Variants in DPP10 observed in about 807,000 individuals in gnomAD.
The protein encoded by DPP10 is dipeptidyl peptidase like 10, also known as inactive dipeptidyl peptidase 10.
DPP10 carries 33 observed loss-of-function variants against 120.9 expected under a neutral mutation model. That is an observed-to-expected ratio of 0.27 (90% CI 0.21 to 0.37). The LOEUF (loss-of-function observed/expected upper bound fraction) is 0.37. Ranked by LOEUF, DPP10 falls within the 10% of genes least tolerant of loss-of-function variation. The pLI, the probability that DPP10 is intolerant of heterozygous loss-of-function variation, is 1.00. For synonymous variants in DPP10, 337 were observed against 326.1 expected, an observed-to-expected ratio of 1.03 and a Z score of -0.36; for missense variants, 816 against 942.8, an observed-to-expected ratio of 0.87 and a Z score of 1.76.
intron 1 of DPP10, among the ~76,000 whole-genome samples, chr2:114,878,488 A>G (rs974083151): frequency 3.3e-5 from 5 of 152,100 alleles, no homozygotes; most frequent in African/African-American, 1.2e-4. Flanking sequence ...ATTCCTAATA[A>G]TAGTCTCTCT....
At chr2:114,859,848 C>T (rs950978745) in intron 1 of DPP10, among the ~76,000 whole-genome samples, 1 of 152,130 alleles carries the variant, frequency 6.6e-6, no homozygotes, top group Non-Finnish European at 1.5e-5. Context: ...CATCAATTAC[C>T]ACGATTTCAG....
Position 115,330,051 on chromosome 2 carries a change from C to T in DPP10, c.176-13766C>T, listed in dbSNP as rs193283182. ...ATGGTTGAACTAGTTTGCAGTCCCACCAACAGTGTAAAAGTGTTCCTATTT... is the reference window on the plus strand; with the variant it reads ...ATGGTTGAACTAGTTTGCAGTCCCATCAACAGTGTAAAAGTGTTCCTATTT... On this transcript the variant is annotated intron_variant, in intron 2 of 25. Coordinates refer to ENST00000410059, the MANE Select transcript of DPP10 (RefSeq NM_020868.6). 3.9e-5 allele frequency among the ~76,000 whole-genome samples: 6 copies of T among 152,234 alleles called. No homozygotes were observed. In the East Asian group the frequency reaches 1.2e-3, roughly 30 times the overall value.
chr2:115,784,751 C>T lies in DPP10; in HGVS notation c.1531+2352C>T, dbSNP rs541450750. The stretch of plus-strand genomic sequence containing the variant: ...TTTCTCCAGTTGGTCAGGCTGGTCT[C>T]GAACTCACAACCTCAGGTGATCTGC... On this transcript the variant is annotated intron_variant, in intron 17 of 25. Transcript: ENST00000410059. 9.9e-5 allele frequency among the ~76,000 whole-genome samples: 15 copies of T among 152,188 alleles called. No individual in the cohort carries two copies. The South Asian group carries it at 1.2e-3, about 13-fold the overall frequency.
chr2:115,293,223 T>G (rs2060735231), intron 1 of DPP10, among the ~76,000 whole-genome samples: 1 of 152,084 alleles, frequency 6.6e-6, no homozygotes, highest in South Asian at 2.1e-4. Context: ...TGGCAGGTAT[T>G]TCAGAAAAGC....
intron 1 of DPP10, among the ~76,000 whole-genome samples, chr2:114,460,578 A>AT (rs1180279646): frequency 1.3e-5 from 2 of 152,156 alleles, no homozygotes; most frequent in Admixed American, 6.5e-5. Context: ...TATGACACAA[A>AT]TTTTTTCAAG....
chr2:115,833,061 G>T (rs1258238089), intron 21 of DPP10, among the ~76,000 whole-genome samples: 1 of 151,976 alleles, frequency 6.6e-6, no homozygotes, highest in East Asian at 1.9e-4. Context: ...AAGCATTGTT[G>T]TGGGATCTAC....
intron 1 of DPP10, among the ~76,000 whole-genome samples, chr2:114,452,979 T>C (rs1306171692): frequency 6.6e-6 from 1 of 152,122 alleles, no homozygotes; most frequent in Non-Finnish European, 1.5e-5. Flanking sequence ...CTCTTGTTGG[T>C]TAGAACTAAA....
intron 1 of DPP10, among the ~76,000 whole-genome samples, chr2:115,014,027 TC>T (rs1702456252): frequency 6.6e-6 from 1 of 152,150 alleles, no homozygotes; most frequent in Non-Finnish European, 1.5e-5. Context: ...CTACCCCAAA[TC>T]AACAGAATAT....
intron 1 of DPP10, chr2:115,050,063 A>G (rs1705358389): frequency 5.9e-5 from 9 of 152,182 alleles, no homozygotes; most frequent in Admixed American, 5.9e-4. Context: ...GCAGAGTAGG[A>G]AACTTGAAAA....
intron 3 of DPP10, among the ~76,000 whole-genome samples, chr2:115,356,796 C>T (rs1303680130): frequency 1.3e-5 from 2 of 152,010 alleles, no homozygotes; most frequent in African/African-American, 4.8e-5. Flanking sequence ...TGGTTGATTC[C>T]ATGTCTTTGC....
At chr2:115,195,053 G>T (rs181965168) in intron 1 of DPP10, among the ~76,000 whole-genome samples, 2 of 152,182 alleles carry the variant, frequency 1.3e-5, no homozygotes, top group African/African-American at 4.8e-5. Context: ...TGGACATTCA[G>T]TGTGCGCTCA....
At chr2:114,954,544 A>G (rs986082920) in intron 1 of DPP10, among the ~76,000 whole-genome samples, 4 of 152,128 alleles carry the variant, frequency 2.6e-5, no homozygotes, top group Admixed American at 1.3e-4. Flanking sequence ...TTACACCTCT[A>G]GGAACTGGAA....
At chr2:114,597,946 G>T (rs1281028042) in intron 1 of DPP10, among the ~76,000 whole-genome samples, 1 of 151,836 alleles carries the variant, frequency 6.6e-6, no homozygotes, top group Admixed American at 6.6e-5. Flanking sequence ...AATAATCTGG[G>T]AGTTTGTAGA....
chr2:114,758,041 T>C (rs1394200542), intron 1 of DPP10, among the ~76,000 whole-genome samples: 1 of 152,200 alleles, frequency 6.6e-6, no homozygotes, highest in African/African-American at 2.4e-5. Context: ...GTCTCAGTGT[T>C]GCCTGACTCC....
At chr2:114,755,856 T>C (rs1679682382) in intron 1 of DPP10, among the ~76,000 whole-genome samples, 1 of 152,072 alleles carries the variant, frequency 6.6e-6, no homozygotes, top group Non-Finnish European at 1.5e-5. Flanking sequence ...TGCATATCTT[T>C]ATTTTTCCTT....
intron 3 of DPP10, among the ~76,000 whole-genome samples, chr2:115,415,247 C>T (rs533064298): frequency 7.4e-4 from 113 of 152,212 alleles, no homozygotes; most frequent in Middle Eastern, 6.8e-3. Context: ...TGCGCTTTGG[C>T]CAGTTTCATT....
At chr2:115,485,475 G>C (rs2075718814) in intron 3 of DPP10, among the ~76,000 whole-genome samples, 1 of 151,996 alleles carries the variant, frequency 6.6e-6, no homozygotes. Flanking sequence ...TTGTTGTTAA[G>C]TATGTGAATT....
intron 1 of DPP10, among the ~76,000 whole-genome samples, chr2:115,007,780 A>G (rs2105060028): frequency 6.7e-6 from 1 of 149,386 alleles, no homozygotes; most frequent in East Asian, 2.0e-4. Context: ...CTATACACCA[A>G]CAACAGACAA....
chr2:114,787,121 G>A (rs967184906), intron 1 of DPP10, among the ~76,000 whole-genome samples: 1 of 152,194 alleles, frequency 6.6e-6, no homozygotes, highest in Non-Finnish European at 1.5e-5. Flanking sequence ...AAAATGACTG[G>A]GGTAGGGTAG....
Sources: gnomAD v4.1 joint callset for allele counts (sites outside exome capture counted in the v4.1 genomes callset) on GRCh38, gnomAD v4.1.1 for gene constraint, MANE v1.5 for transcripts, NCBI Gene and HGNC (gene_info 2026-07-23, HGNC 2026-07-21) for gene names.